HTR1E: variants seen among roughly 807,000 people sequenced by gnomAD.
HTR1E encodes 5-hydroxytryptamine receptor 1E.
Under a neutral mutation model 3.4 loss-of-function variants are expected in HTR1E, and 3 were observed. The ratio of observed to expected loss-of-function variants is 0.89; its 90% CI spans 0.41 to 2.31. HTR1E has a LOEUF of 2.31. Among genes scored for constraint, HTR1E ranks in the 30% most tolerant of loss-of-function variants. HTR1E has a pLI of 0.05. For missense variants in HTR1E, 392 were observed against 467.0 expected, an observed-to-expected ratio of 0.84 and a Z score of 1.48; for synonymous variants, 170 against 182.8, an observed-to-expected ratio of 0.93 and a Z score of 0.56.
intron 1 of HTR1E, among the ~76,000 whole-genome samples, chr6:86,981,325 G>T (rs1212440698): frequency 6.6e-6 from 1 of 152,198 alleles, no homozygotes; most frequent in East Asian, 1.9e-4. Flanking sequence ...AGCAACAGAT[G>T]ACATTAAAAT....
chr6:86,952,427 G>T (rs1309619934), intron 1 of HTR1E, among the ~76,000 whole-genome samples: 2 of 151,900 alleles, frequency 1.3e-5, no homozygotes, highest in Non-Finnish European at 2.9e-5. Flanking sequence ...AGAAAAAGGG[G>T]GATCTGTGTT....
At chr6:86,970,826 C>T (rs185134556) in intron 1 of HTR1E, 5 of 240,370 alleles carry the variant, frequency 2.1e-5, no homozygotes, top group South Asian at 1.1e-4. Flanking sequence ...CTTTGTGAAG[C>T]TCAACAAGCC....
intron 1 of HTR1E, among the ~76,000 whole-genome samples, chr6:87,000,640 A>G (rs1022176640): frequency 1.3e-5 from 2 of 152,232 alleles, no homozygotes; most frequent in African/African-American, 4.8e-5. Context: ...CTAAAATAGT[A>G]TATCTAGCAA....
chr6:86,940,101 G>A (rs981587970), intron 1 of HTR1E, among the ~76,000 whole-genome samples: 2 of 152,040 alleles, frequency 1.3e-5, no homozygotes, highest in African/African-American at 4.8e-5. Context: ...TTCCTGCTGC[G>A]TGATGGGGTT....
intron 1 of HTR1E, among the ~76,000 whole-genome samples, chr6:86,978,147 G>T (rs1301952658): frequency 2.0e-5 from 3 of 152,076 alleles, no homozygotes; most frequent in Admixed American, 2.0e-4. Flanking sequence ...TATCAGTAGG[G>T]CACATTAGTT....
chr6:87,010,333 C>T (rs1768196201), intron 1 of HTR1E, among the ~76,000 whole-genome samples: 1 of 117,144 alleles, frequency 8.5e-6, no homozygotes, highest in Non-Finnish European at 1.8e-5. Context: ...CCCCACCTCC[C>T]TCCCGGACGG....
intron 1 of HTR1E, among the ~76,000 whole-genome samples, chr6:86,958,881 C>A (rs1434849564): frequency 1.3e-5 from 2 of 152,116 alleles, no homozygotes; most frequent in African/African-American, 4.8e-5. Context: ...CCAGCTCCCA[C>A]ACAGCATAAG....
chr6:86,973,759 A>C (rs886215683), intron 1 of HTR1E, among the ~76,000 whole-genome samples: 5 of 152,232 alleles, frequency 3.3e-5, no homozygotes, highest in Admixed American at 6.5e-5. Flanking sequence ...TACCTGGAAG[A>C]GAGCTTAGAA....
intron 1 of HTR1E, among the ~76,000 whole-genome samples, chr6:87,011,504 T>G (rs1490480731): frequency 6.6e-6 from 1 of 152,204 alleles, no homozygotes; most frequent in South Asian, 2.1e-4. Context: ...TGTTAAACTT[T>G]TAATGGTTGA....
chr6:86,980,762 A>G (rs1487561037), intron 1 of HTR1E, among the ~76,000 whole-genome samples: 1 of 152,202 alleles, frequency 6.6e-6, no homozygotes, highest in Non-Finnish European at 1.5e-5. Flanking sequence ...TTCCTCTTAA[A>G]GAGTAAAGTG....
intron 1 of HTR1E, among the ~76,000 whole-genome samples, chr6:86,991,361 A>G (rs1767868245): frequency 6.6e-6 from 1 of 152,184 alleles, no homozygotes; most frequent in Admixed American, 6.6e-5. Context: ...AAAATGTACC[A>G]TGGTAATACA....
At chr6:87,000,532 T>G (rs1212023424) in intron 1 of HTR1E, among the ~76,000 whole-genome samples, 1 of 152,150 alleles carries the variant, frequency 6.6e-6, no homozygotes, top group East Asian at 1.9e-4. Context: ...ACAATGGAGC[T>G]CCAATATCTC....
intron 1 of HTR1E, among the ~76,000 whole-genome samples, chr6:86,978,871 TG>T (rs1219790034): frequency 6.6e-6 from 1 of 152,216 alleles, no homozygotes; most frequent in African/African-American, 2.4e-5. Flanking sequence ...CTTTCCTTCC[TG>T]GCATAGAGAG....
At chr6:86,992,386 G>C (rs903430441) in intron 1 of HTR1E, among the ~76,000 whole-genome samples, 10 of 152,116 alleles carry the variant, frequency 6.6e-5, no homozygotes, top group South Asian at 4.1e-4. Flanking sequence ...ATGTGGTATG[G>C]AGGTTATTAA....
chr6:87,009,315 C>T (rs199785000), intron 1 of HTR1E, among the ~76,000 whole-genome samples: 3,920 of 149,476 alleles, frequency 0.026, 104 homozygotes, highest in East Asian at 0.12. Context: ...CATCTTGCAC[C>T]GCCCTTAATC....
chr6:86,991,700 T>C (rs1767871571), intron 1 of HTR1E, among the ~76,000 whole-genome samples: 1 of 152,124 alleles, frequency 6.6e-6, no homozygotes, highest in East Asian at 1.9e-4. Context: ...TGTGTAGTGG[T>C]CTCAGAAGCA....
At chr6:86,960,401 C>T (rs1179398878) in intron 1 of HTR1E, among the ~76,000 whole-genome samples, 4 of 152,230 alleles carry the variant, frequency 2.6e-5, no homozygotes, top group Admixed American at 6.5e-5. Flanking sequence ...TACCACCCAA[C>T]ACTGTTGCAT....
intron 1 of HTR1E, among the ~76,000 whole-genome samples, chr6:87,009,877 CG>C (rs1272941740): frequency 2.7e-5 from 3 of 112,830 alleles, no homozygotes; most frequent in African/African-American, 4.1e-5. Flanking sequence ...GCTGGCCGGG[CG>C]GGGGGCCGAC....
intron 1 of HTR1E, among the ~76,000 whole-genome samples, chr6:87,011,829 GAA>G (rs1768241994): frequency 6.6e-6 from 1 of 152,004 alleles, no homozygotes. Context: ...AGTAAAAAAG[GAA>G]AAGAGAGCTT....
Sources: allele counts gnomAD v4.1 joint callset (sites outside exome capture counted in the v4.1 genomes callset), GRCh38; gene constraint gnomAD v4.1.1; transcripts MANE v1.5; gene names NCBI Gene and HGNC (gene_info 2026-07-23, HGNC 2026-07-21).